The following CAPN15 variants were observed in gnomAD, a reference collection of about 807,000 sequenced individuals.
The protein encoded by CAPN15 is calpain 15, also known as calpain-15.
In CAPN15, 53 loss-of-function variants were observed where a neutral mutation model predicts 97.9. The ratio of observed to expected loss-of-function variants is 0.54; its 90% CI spans 0.43 to 0.68. The LOEUF (loss-of-function observed/expected upper bound fraction) is 0.68, where lower values mean the gene tolerates loss of function less well. Ranked by LOEUF, CAPN15 falls within the 30% of genes least tolerant of loss-of-function variation. CAPN15 has a pLI of 0.00. For missense variants in CAPN15, 1,592 were observed against 1,589.8 expected (o/e 1.00, Z -0.02); for synonymous variants, 922 against 722.5 (o/e 1.28, Z -4.43).
intron 2 of CAPN15, among the ~76,000 whole-genome samples, chr16:534,475 C>T (rs886855822): frequency 1.3e-5 from 2 of 152,160 alleles, no homozygotes; most frequent in Admixed American, 6.5e-5. Flanking sequence ...TCCCCCAGGG[C>T]GGGGCCCTGG....
At chr16:543,967 G>A (rs1164624689) in intron 3 of CAPN15, among the ~76,000 whole-genome samples, 1 of 152,004 alleles carries the variant, frequency 6.6e-6, no homozygotes, top group Admixed American at 6.5e-5. Context: ...GGGAGAGCCA[G>A]GGCAGCCTGC....
intron 13 of CAPN15, 121 bp from the exon 14 acceptor site, chr16:553,218 C>T: frequency 1.7e-6 from 1 of 574,408 alleles, no homozygotes; most frequent in Admixed American, 2.9e-5. Context: ...CATACCCCTG[C>T]CCCCACCCCT....
chr16:551,053 GGGTCCCCGGTCGGTGA>G lies in CAPN15; in HGVS notation c.2067-230_2067-215del, dbSNP rs1567157625. 7.7e-4 allele frequency among the ~76,000 whole-genome samples: 108 copies of G among 139,630 alleles called. 2 individuals are homozygous for G. The highest frequency in any genetic ancestry group is 2.7e-3 in the African/African-American group (95 of 34,850). The allele number at this position is 139,630 out of a possible 152,430, so 91.6% of individuals were successfully genotyped here. On this transcript the variant is annotated intron_variant, in intron 7 of 13. Transcript: ENST00000219611. The stretch of plus-strand genomic sequence containing the variant: ...GGTCGGTGAGGGCCCCGGTCGGTGA[GGGTCCCCGGTCGGTGA>G]GGTCCCCGGTCGGTGAGGGCCCCGG...
intron 3 of CAPN15, among the ~76,000 whole-genome samples, chr16:541,496 C>CTG (rs2034114405): frequency 6.6e-6 from 1 of 152,042 alleles, no homozygotes; most frequent in African/African-American, 2.4e-5. Flanking sequence ...GAGGAAGGGT[C>CTG]TGTGCTCCTC....
chr16:544,262 C>G (rs1020870066), intron 3 of CAPN15, among the ~76,000 whole-genome samples: 1 of 152,080 alleles, frequency 6.6e-6, no homozygotes, highest in African/African-American at 2.4e-5. Flanking sequence ...AGCTGCCGAC[C>G]AAGTCTGGCA....
At position 551,154 on chromosome 16, in the gene CAPN15, C is replaced by T. The variant is rs200554071; in HGVS notation, c.2067-148C>T. ...TGGTGAGGGCCCCGGTCGGTGAGGG[C>T]GCCCCGTCGGTGAGGGTCCCGGTCG... On this transcript the variant is annotated intron_variant, in intron 7 of 13. Transcript: ENST00000219611. 2.8e-4 allele frequency: 274 copies of T among 976,346 alleles called. 1 individual carries two copies. Among genetic ancestry groups the T allele is most frequent in the African/African-American group, 5.6e-4 (13 of 23,264 alleles). The allele number at this position is 976,346 out of a possible 1,614,324, so 60.5% of individuals were successfully genotyped here. A position where few individuals can be genotyped will look rare whatever the true frequency, so the allele number is the denominator to read the frequency against.
At chr16:530,829 A>G (rs2033197101) in intron 1 of CAPN15, among the ~76,000 whole-genome samples, 1 of 152,228 alleles carries the variant, frequency 6.6e-6, no homozygotes, top group Non-Finnish European at 1.5e-5. Flanking sequence ...GCACACTCTG[A>G]GGGGCCTGCC....
At position 536,100 on chromosome 16, in the gene CAPN15, C is replaced by T. The variant is rs1279348606; in HGVS notation, c.-65C>T. On this transcript the variant is annotated 5_prime_UTR_variant, in exon 3 of 14. In the 5' UTR this introduces an upstream ATG that the reference lacks. Coordinates refer to ENST00000219611, the MANE Select transcript of CAPN15 (RefSeq NM_005632.3). ...CGGGGCCACTGCACTGGGTGATTCA[C>T]GTGTGCCCAGGCCCTGAGGTGGGCC... 8 of 979,764 alleles carry T rather than the reference C, an allele frequency of 8.2e-6. No individual in the cohort carries two copies. The highest frequency in any genetic ancestry group is 6.5e-5 in the Admixed American group (1 of 15,398). The allele number at this position is 979,764 out of a possible 1,614,324, so 60.7% of individuals were successfully genotyped here. A position where few individuals can be genotyped will look rare whatever the true frequency, so the allele number is the denominator to read the frequency against.
At chr16:551,229 G>A in intron 7 of CAPN15, 73 bp from the exon 8 acceptor site, 1 of 1,377,344 alleles carries the variant, frequency 7.3e-7, no homozygotes, top group Admixed American at 2.1e-5. Context: ...GTCCCGGTCA[G>A]TGAGGGTCCC....
At chr16:545,933 T>C (rs923106410) in intron 3 of CAPN15, among the ~76,000 whole-genome samples, 3 of 152,234 alleles carry the variant, frequency 2.0e-5, no homozygotes, top group African/African-American at 4.8e-5. Context: ...GCTGCATCCA[T>C]GCCCTTCTCC....
At chr16:545,872 G>A (rs1438930483) in intron 3 of CAPN15, among the ~76,000 whole-genome samples, 5 of 152,250 alleles carry the variant, frequency 3.3e-5, no homozygotes, top group South Asian at 4.1e-4. Context: ...GTGCCGCCTC[G>A]GCAGCCAGGC....
At chr16:530,127 C>G (rs1021870784) in intron 1 of CAPN15, among the ~76,000 whole-genome samples, 5 of 152,240 alleles carry the variant, frequency 3.3e-5, no homozygotes, top group African/African-American at 4.8e-5. Context: ...CCACTGGCCT[C>G]TCATGCCCCA....
At position 539,959 on chromosome 16, in the gene CAPN15, A is replaced by G. The variant is rs373205449; in HGVS notation, c.-23+3817A>G. On this transcript the variant is annotated intron_variant, in intron 3 of 13. Transcript: ENST00000219611. ...AAGTCGGGCCGCAGGCCCTGCACTGAGATGTCCCCTCAGCCTACCCCAGGC... is the reference window on the plus strand; with the variant it reads ...AAGTCGGGCCGCAGGCCCTGCACTGGGATGTCCCCTCAGCCTACCCCAGGC... 8 of 516,598 alleles carry G rather than the reference A, an allele frequency of 1.5e-5. 2 individuals are homozygous for G. The highest frequency in any genetic ancestry group is 3.0e-4 in the East Asian group (2 of 6,732). 32.0% of individuals were successfully genotyped at this position (516,598 alleles called of 1,614,324 possible). A position where few individuals can be genotyped will look rare whatever the true frequency, so the allele number is the denominator to read the frequency against.
chr16:552,324 A>AT lies in CAPN15; in HGVS notation c.2531_2532insT (p.Leu845ProfsTer29). The AT allele has an allele frequency of 6.3e-7, 1 of 1,577,834 alleles. No individual in the cohort carries two copies. The highest frequency in any genetic ancestry group is 8.6e-7 in the Non-Finnish European group (1 of 1,167,424). ...AGGCGCTCGGACGCCGTGGACAGCCACCTGCTGGACCTGTGCATCCTGGTG... is the reference window on the plus strand; with the variant it reads ...AGGCGCTCGGACGCCGTGGACAGCCATCCTGCTGGACCTGTGCATCCTGGTG... On this transcript the variant is annotated frameshift_variant, in exon 11 of 14. Coordinates refer to ENST00000219611, the MANE Select transcript of CAPN15 (RefSeq NM_005632.3). LOFTEE classifies it high-confidence loss of function. This position sits in a 1 kb window ranked among gnomAD's most constrained non-coding sequence, Gnocchi z 6.4.
At chr16:533,472 G>A (rs1357446206) in intron 1 of CAPN15, among the ~76,000 whole-genome samples, 1 of 152,156 alleles carries the variant, frequency 6.6e-6, no homozygotes, top group African/African-American at 2.4e-5. Flanking sequence ...GAGTCTAGGT[G>A]GCCACCTGGC....
Position 547,261 on chromosome 16 carries a change from G to A in CAPN15, c.423G>A (p.Ala141=), listed in dbSNP as rs769437082. 53 of 1,508,270 alleles carry A rather than the reference G, an allele frequency of 3.5e-5. No homozygotes were observed. Among genetic ancestry groups the A allele is most frequent in the Middle Eastern group, 4.5e-4 (2 of 4,442 alleles). 93.4% of individuals were successfully genotyped at this position (1,508,270 alleles called of 1,614,324 possible). The change falls in exon 4 of 14, where the codon GCG becomes GCA. Residue 141 remains alanine (A), a synonymous_variant. Coordinates refer to ENST00000219611, the MANE Select transcript of CAPN15 (RefSeq NM_005632.3). The part of the protein sequence containing the change: ...KEEQEEEEGA[A]EPRGGWACPR... The stretch of plus-strand genomic sequence containing the variant: ...AGCAGGAGGAGGAGGAGGGAGCGGC[G>A]GAGCCCAGAGGGGGCTGGGCGTGTC...
chr16:544,587 C>T (rs970126708), intron 3 of CAPN15, among the ~76,000 whole-genome samples: 26 of 152,092 alleles, frequency 1.7e-4, no homozygotes, highest in South Asian at 4.1e-4. Context: ...GTGTCGGCAA[C>T]GCCCAGATAA....
Position 554,396 on chromosome 16 carries a change from A to T in CAPN15, c.*880A>T, listed in dbSNP as rs369875335. On this transcript the variant is annotated 3_prime_UTR_variant, in exon 14 of 14. Coordinates refer to ENST00000219611, the MANE Select transcript of CAPN15 (RefSeq NM_005632.3). ...CCGGCAGCGGGCCGGCCTCGCCCCC[A>T]CTCCCCCTCCTACCCCGGCAGGGGC... 4.8e-6 allele frequency: 2 copies of T among 416,164 alleles called. No individual in the cohort carries two copies. The highest frequency in any genetic ancestry group is 9.6e-6 in the Non-Finnish European group (2 of 207,988). 25.8% of individuals were successfully genotyped at this position (416,164 alleles called of 1,614,324 possible).
chr16:543,020 C>T (rs2034251312), intron 3 of CAPN15, among the ~76,000 whole-genome samples: 2 of 152,194 alleles, frequency 1.3e-5, no homozygotes, highest in South Asian at 4.2e-4. Flanking sequence ...CACTGCACTC[C>T]AGTGTGGGCG....
Sources: gnomAD v4.1 joint callset for allele counts (sites outside exome capture counted in the v4.1 genomes callset) on GRCh38, gnomAD v4.1.1 for gene constraint, Gnocchi (gnomAD v3.1) non-coding constraint, MANE v1.5 for transcripts, NCBI Gene and HGNC (gene_info 2026-07-23, HGNC 2026-07-21) for gene names.